ZNF521: variants seen among roughly 807,000 people sequenced by gnomAD.
ZNF521 encodes zinc finger protein 521.
ZNF521 carries 14 observed loss-of-function variants against 105.5 expected under a neutral mutation model. That is an observed-to-expected ratio of 0.13 (90% CI 0.09 to 0.21). The LOEUF is 0.21. Among genes scored for constraint, ZNF521 ranks in the 10% least tolerant of loss-of-function variants. The probability of loss-of-function intolerance (pLI) is 1.00; values close to 1 mark genes in which losing one functional copy is unlikely to be tolerated. For missense variants in ZNF521, 1,233 were observed against 1,629.7 expected, an observed-to-expected ratio of 0.76 and a Z score of 4.19; for synonymous variants, 635 against 606.0, an observed-to-expected ratio of 1.05 and a Z score of -0.70.
At chr18:25,093,660 A>C (rs193144735) in intron 5 of ZNF521, among the ~76,000 whole-genome samples, 1 of 152,292 alleles carries the variant, frequency 6.6e-6, no homozygotes, top group East Asian at 1.9e-4. Flanking sequence ...GCACTAATTA[A>C]GCCACCCAGT....
At chr18:25,281,916 G>A (rs1910405816) in intron 3 of ZNF521, among the ~76,000 whole-genome samples, 1 of 151,704 alleles carries the variant, frequency 6.6e-6, no homozygotes, top group African/African-American at 2.4e-5. Context: ...CTAGAATCCT[G>A]CTGGCCTAAA....
intron 4 of ZNF521, among the ~76,000 whole-genome samples, chr18:25,209,717 C>T (rs541702156): frequency 6.6e-6 from 1 of 152,292 alleles, no homozygotes; most frequent in East Asian, 1.9e-4. Flanking sequence ...AACTCCCTTG[C>T]AATCCAATAA....
intron 3 of ZNF521, among the ~76,000 whole-genome samples, chr18:25,266,372 T>C (rs2144917454): frequency 6.6e-6 from 1 of 152,330 alleles, no homozygotes; most frequent in Non-Finnish European, 1.5e-5. Flanking sequence ...TCTGATTAAA[T>C]CAGTTTTCCA....
intron 3 of ZNF521, among the ~76,000 whole-genome samples, chr18:25,263,103 T>TATGTTCTC (rs1909020111): frequency 6.6e-6 from 1 of 152,226 alleles, no homozygotes; most frequent in South Asian, 2.1e-4. Context: ...ATTACAAGAC[T>TATGTTCTC]ATGTTCTCAC....
Position 25,256,237 on chromosome 18 carries a change from G to A in ZNF521, c.221-28540C>T, listed in dbSNP as rs572157367. ...ATTCATAGAGACAAAACACAGAATG[G>A]TATTTGCCAGGGGCTGGGGAGAGAC... On this transcript the variant is annotated intron_variant, in intron 3 of 7. Transcript: ENST00000361524. Among the ~76,000 whole-genome samples the A allele has an allele frequency of 6.6e-5, 10 of 151,908 alleles. No individual in the cohort carries two copies. In the East Asian group the frequency reaches 1.4e-3, roughly 21 times the overall value.
chr18:25,211,719 A>G (rs932456340), intron 4 of ZNF521, among the ~76,000 whole-genome samples: 11 of 152,326 alleles, frequency 7.2e-5, no homozygotes, highest in African/African-American at 2.6e-4. Flanking sequence ...TGGTAAACAT[A>G]AATTATTTTT....
chr18:25,220,848 T>C (rs78210523), intron 4 of ZNF521, among the ~76,000 whole-genome samples: 8,670 of 152,140 alleles, frequency 0.057, 347 homozygotes, highest in South Asian at 0.11. Flanking sequence ...CATTCTGAGG[T>C]CCAGATGGGG....
At chr18:25,316,614 T>C (rs1005459977) in intron 3 of ZNF521, among the ~76,000 whole-genome samples, 2 of 152,170 alleles carry the variant, frequency 1.3e-5, no homozygotes, top group Non-Finnish European at 2.9e-5. Flanking sequence ...CAGATCAGAC[T>C]GGAGGGCAAC....
Position 25,225,229 on chromosome 18 carries a change from T to A in ZNF521, c.2689A>T (p.Met897Leu). The change falls in exon 4 of 8, where the codon ATG becomes TTG. Residue 897 changes from methionine to leucine, a missense_variant. Transcript: ENST00000361524. This position sits in a 1 kb window ranked among gnomAD's most constrained non-coding sequence, Gnocchi z 5.6. ...GCDICGAAYTMETLLQNHQLR... is the reference protein window; with the variant it reads ...GCDICGAAYTLETLLQNHQLR... ...TGGTGATTCTGCAGCAAAGTTTCCATAGTGTAGGCTGCCCCACAAATGTCG... is the reference window on the plus strand; with the variant it reads ...TGGTGATTCTGCAGCAAAGTTTCCAAAGTGTAGGCTGCCCCACAAATGTCG... 6.2e-7 allele frequency: 1 copy of A among 1,614,158 alleles called. No individual in the cohort carries two copies. Among genetic ancestry groups the A allele is most frequent in the Non-Finnish European group, 8.5e-7 (1 of 1,180,016 alleles).
At chr18:25,141,908 AG>A (rs139998197) in intron 5 of ZNF521, among the ~76,000 whole-genome samples, 1 of 152,312 alleles carries the variant, frequency 6.6e-6, no homozygotes, top group African/African-American at 2.4e-5. Context: ...TCCATGCGCT[AG>A]GAAGTTTTTG....
intron 7 of ZNF521, among the ~76,000 whole-genome samples, chr18:25,067,504 C>T (rs1362725478): frequency 1.3e-5 from 2 of 152,094 alleles, no homozygotes; most frequent in Non-Finnish European, 2.9e-5. Flanking sequence ...ATTCAGCCTC[C>T]TTTTTTTCTG....
chr18:25,327,370 A>G (rs1163443984), intron 2 of ZNF521: 29 of 1,034,066 alleles, frequency 2.8e-5, no homozygotes, highest in Non-Finnish European at 3.2e-5. Context: ...TTAACTGTCT[A>G]ATGATGTTGT....
At chr18:25,273,362 C>A (rs1377059764) in intron 3 of ZNF521, 1 of 150,856 alleles carries the variant, frequency 6.6e-6, no homozygotes, top group Admixed American at 6.6e-5. Flanking sequence ...TAGCTTCCCT[C>A]ACTCCAATTC....
At chr18:25,196,931 T>C (rs1461682202) in intron 4 of ZNF521, among the ~76,000 whole-genome samples, 1 of 151,846 alleles carries the variant, frequency 6.6e-6, no homozygotes, top group Non-Finnish European at 1.5e-5. Flanking sequence ...GTCTTTTCTC[T>C]TGTTAGCACA....
chr18:25,067,156 G>A (rs1461993134), intron 7 of ZNF521, among the ~76,000 whole-genome samples: 1 of 151,866 alleles, frequency 6.6e-6, no homozygotes, highest in Non-Finnish European at 1.5e-5. Context: ...ATTAATCCCA[G>A]TTATGAACAG....
At chr18:25,267,367 G>A (rs559934672) in intron 3 of ZNF521, among the ~76,000 whole-genome samples, 13 of 152,300 alleles carry the variant, frequency 8.5e-5, no homozygotes, top group African/African-American at 2.9e-4. Context: ...AGACTTAAAC[G>A]TCCCTGCCTG....
In ZNF521 at chr18:25,226,907, T is replaced by C. The variant is rs758375274; in HGVS notation, c.1011A>G (p.Ser337=). The change falls in exon 4 of 8, where the codon TCA becomes TCG. Residue 337 remains serine, a synonymous_variant. Coordinates refer to ENST00000361524, the MANE Select transcript of ZNF521 (RefSeq NM_015461.3). The surrounding 1 kb of genome is among the most constrained non-coding windows in gnomAD (Gnocchi z 4.1). ...SHMDSHQQPE[S]CNHSNSPSLV... ...GGGAAGGGCTGTTGCTGTGATTGCA[T>C]GACTCCGGTTGCTGGTGACTGTCCA... is the stretch of plus-strand genomic sequence containing the variant. 65 of 1,613,820 alleles carry C rather than the reference T, an allele frequency of 4.0e-5. No individual in the cohort carries two copies. Among genetic ancestry groups the C allele is most frequent in the Non-Finnish European group, 5.2e-5 (61 of 1,179,994 alleles).
rs759157369 is a variant in ZNF521 at position 25,224,495 on chromosome 18, A to G, written c.3423T>C (p.Ser1141=). The change falls in exon 4 of 8, where the codon TCT becomes TCC. Residue 1141 remains serine, a synonymous_variant. Coordinates refer to ENST00000361524, the MANE Select transcript of ZNF521 (RefSeq NM_015461.3). The part of the protein sequence containing the change: ...GKVGGLKTRC[S]SCNVKFESES... Reference sequence around the variant, plus strand: ...CAGACTCAAACTTAACGTTGCAGCTAGAGCAGCGTGTCTTCAGTCCCCCCA... The same window carrying G: ...CAGACTCAAACTTAACGTTGCAGCTGGAGCAGCGTGTCTTCAGTCCCCCCA... The G allele has an allele frequency of 9.9e-6, 16 of 1,614,068 alleles. No homozygotes were observed. The highest frequency in any genetic ancestry group is 1.3e-5 in the Non-Finnish European group (15 of 1,179,982).
chr18:25,212,509 CAAAAAAAAAAAAA>C (rs59178760), intron 4 of ZNF521, among the ~76,000 whole-genome samples: 2 of 21,698 alleles, frequency 9.2e-5, no homozygotes, highest in African/African-American at 2.0e-4. Flanking sequence ...GACTTAGTCT[CAAAAAAAAAAAAA>C]AAAAAAAAAA....
Sources: gnomAD v4.1 joint callset for allele counts (sites outside exome capture counted in the v4.1 genomes callset) on GRCh38, gnomAD v4.1.1 for gene constraint, Gnocchi (gnomAD v3.1) non-coding constraint, MANE v1.5 for transcripts, NCBI Gene and HGNC (gene_info 2026-07-23, HGNC 2026-07-21) for gene names.